MCM8: variants seen among roughly 807,000 people sequenced by gnomAD.
MCM8 encodes minichromosome maintenance 8 homologous recombination repair factor.
In MCM8, 85 loss-of-function variants were observed where a neutral mutation model predicts 98.9. The observed-to-expected ratio is 0.86, with a 90% confidence interval of 0.72 to 1.03. MCM8 has a LOEUF of 1.03. Among genes scored for constraint, MCM8 ranks in the 50% least tolerant of loss-of-function variants. MCM8 has a pLI of 0.00. For missense variants in MCM8, 951 were observed against 997.8 expected, an observed-to-expected ratio of 0.95 and a Z score of 0.63; for synonymous variants, 352 against 338.6, an observed-to-expected ratio of 1.04 and a Z score of -0.44.
chr20:5,967,781 AG>A, intron 9 of MCM8, 48 bp from the exon 10 acceptor site: 1 of 1,472,194 alleles, frequency 6.8e-7, no homozygotes, highest in Non-Finnish European at 9.2e-7. Context: ...GAGTCATTGT[AG>A]GGAAAATGAA....
At chr20:5,989,724 G>A (rs973002094) in intron 17 of MCM8, among the ~76,000 whole-genome samples, 1 of 152,136 alleles carries the variant, frequency 6.6e-6, no homozygotes, top group Non-Finnish European at 1.5e-5. Flanking sequence ...TCTCTCTGCT[G>A]CCTCTAGAGG....
At chr20:5,957,252 G>T in intron 6 of MCM8, 23 bp downstream of exon 6, 1 of 1,570,596 alleles carries the variant, frequency 6.4e-7, no homozygotes, top group Non-Finnish European at 8.7e-7. Flanking sequence ...ATGTATTAAA[G>T]TATTACTTAG....
chr20:5,993,498 T>C lies in MCM8; in HGVS notation c.2241-8T>C. The stretch of plus-strand genomic sequence containing the variant: ...CATTGGGTAATTTTTTCTTCCTTTC[T>C]TTTTAAGCATGCTAGGAACTTACTC... On this transcript the variant is annotated splice_polypyrimidine_tract_variant and splice_region_variant and intron_variant, in intron 17 of 18. Transcript: ENST00000610722. 6.6e-7 allele frequency: 1 copy of C among 1,512,904 alleles called. No homozygotes were observed. The highest frequency in any genetic ancestry group is 8.9e-7 in the Non-Finnish European group (1 of 1,121,238). 93.7% of individuals were successfully genotyped at this position (1,512,904 alleles called of 1,614,324 possible).
intron 10 of MCM8, among the ~76,000 whole-genome samples, chr20:5,969,593 C>CA (rs11364488): frequency 0.13 from 13,956 of 104,534 alleles, 823 homozygotes; most frequent in Non-Finnish European, 0.2. Flanking sequence ...CTCTGTCTCA[C>CA]AAAAAAAAAA....
chr20:5,971,922 G>T, intron 10 of MCM8, 85 bp from the exon 11 acceptor site: 1 of 1,098,330 alleles, frequency 9.1e-7, no homozygotes, highest in Non-Finnish European at 1.3e-6. Context: ...TTGATATTAA[G>T]CAGGTTAAAC....
At chr20:5,973,809 C>T (rs1431183069) in intron 12 of MCM8, among the ~76,000 whole-genome samples, 1 of 152,112 alleles carries the variant, frequency 6.6e-6, no homozygotes, top group Non-Finnish European at 1.5e-5. Context: ...TGCGCACCAC[C>T]ACGCCCAGCT....
chr20:5,991,800 G>C (rs930932262), intron 17 of MCM8, among the ~76,000 whole-genome samples: 2 of 152,176 alleles, frequency 1.3e-5, no homozygotes, highest in East Asian at 3.8e-4. Context: ...TTCAGTAAAT[G>C]TCCTGCACTG....
rs552554224 is a variant in MCM8 at position 5,991,442 on chromosome 20, GT to G, written c.2241-2061del. ...TTGCTTTGGTGGTAAATTTGAACAA[GT>G]TTCAGATCAGTTTACATCTGGGCCC... On this transcript the variant is annotated intron_variant, in intron 17 of 18. Transcript: ENST00000610722. The G allele has an allele frequency of 5.8e-4, 89 of 152,170 alleles. 2 individuals carry two copies. Among genetic ancestry groups the G allele is most frequent in the African/African-American group, 2.1e-3 (86 of 41,506 alleles). The allele number at this position is 152,170 out of a possible 1,614,324, so 9.4% of individuals were successfully genotyped here.
intron 13 of MCM8, among the ~76,000 whole-genome samples, chr20:5,982,285 C>T (rs909651152): frequency 1.1e-4 from 17 of 152,256 alleles, no homozygotes; most frequent in Non-Finnish European, 2.5e-4. Context: ...GCTAGTAAGG[C>T]TTACTTAGGT....
At chr20:5,959,548 TTAAA>T (rs1397916283) in intron 7 of MCM8, among the ~76,000 whole-genome samples, 2 of 152,194 alleles carry the variant, frequency 1.3e-5, no homozygotes, top group Non-Finnish European at 2.9e-5. Context: ...GAGTGTTGCT[TTAAA>T]TAAATAGCCA....
At chr20:5,964,460 A>G (rs1324192422) in intron 8 of MCM8, 1 of 152,230 alleles carries the variant, frequency 6.6e-6, no homozygotes, top group Non-Finnish European at 1.5e-5. Context: ...CTTGAGTATG[A>G]TCGTGTGGCC....
At position 5,958,431 on chromosome 20, in the gene MCM8, G is replaced by A; in HGVS notation, c.591-97G>A. The A allele has an allele frequency of 5.8e-6, 5 of 863,126 alleles. No individual in the cohort carries two copies. In the South Asian group the frequency reaches 7.9e-5, roughly 14 times the overall value. The allele number at this position is 863,126 out of a possible 1,614,324, so 53.5% of individuals were successfully genotyped here. On this transcript the variant is annotated intron_variant, in intron 6 of 18. Coordinates refer to ENST00000610722, the MANE Select transcript of MCM8 (RefSeq NM_032485.6). ...GATATTTCTGATATATCGAAGGGAT[G>A]ATTTGATTTGAGAATTCCATAGTTG...
At chr20:5,994,242 A>C (rs1277711048) in intron 18 of MCM8, 57 bp from the exon 19 acceptor site, 1 of 971,126 alleles carries the variant, frequency 1.0e-6, no homozygotes, top group East Asian at 2.6e-5. Flanking sequence ...ATTTATTTTA[A>C]AAGTAATATT....
intron 17 of MCM8, among the ~76,000 whole-genome samples, chr20:5,992,466 A>G (rs2089872497): frequency 6.6e-6 from 1 of 152,168 alleles, no homozygotes; most frequent in Non-Finnish European, 1.5e-5. Flanking sequence ...GATAAATGTT[A>G]CCTATTATTA....
At chr20:5,957,500 C>T (rs929733595) in intron 6 of MCM8, among the ~76,000 whole-genome samples, 3 of 152,138 alleles carry the variant, frequency 2.0e-5, no homozygotes, top group African/African-American at 7.2e-5. Context: ...CAAGACCCTG[C>T]TGTGTAAGTT....
Position 5,963,299 on chromosome 20 carries a change from G to A in MCM8, c.815G>A (p.Arg272Lys), listed in dbSNP as rs753451706. The part of the protein sequence containing the change: ...TKCPVPVCRG[R>K]SFTALRSSPL... ...TGTCCTGTGCCTGTGTGTCGAGGCA[G>A]GTCATTTACTGCTCTCCGCAGCTCT... The change falls in exon 8 of 19, where the codon AGG (arginine) becomes AAG (lysine). Residue 272 changes from arginine (R) to lysine (K), a missense_variant. By Grantham distance (26) the Arg-to-Lys change is conservative. Coordinates refer to ENST00000610722, the MANE Select transcript of MCM8 (RefSeq NM_032485.6). The A allele has an allele frequency of 3.7e-6, 6 of 1,614,016 alleles. No homozygotes were observed. The highest frequency in any genetic ancestry group is 4.2e-6 in the Non-Finnish European group (5 of 1,179,958).
At chr20:5,954,767 G>T in intron 4 of MCM8, 77 bp downstream of exon 4, 1 of 867,350 alleles carries the variant, frequency 1.2e-6, no homozygotes, top group East Asian at 2.5e-5. Flanking sequence ...GATTATGATC[G>T]TAGGCACTGG....
chr20:5,972,403 T>C (rs1296196958), intron 11 of MCM8, among the ~76,000 whole-genome samples: 1 of 151,968 alleles, frequency 6.6e-6, no homozygotes, highest in Non-Finnish European at 1.5e-5. Context: ...AGATGGGGTT[T>C]TGCCATGTTG....
At chr20:5,967,125 A>G (rs1344875088) in intron 8 of MCM8, among the ~76,000 whole-genome samples, 2 of 152,132 alleles carry the variant, frequency 1.3e-5, no homozygotes, top group Admixed American at 6.6e-5. Context: ...TGTTTTATCC[A>G]TCAATACTTT....
Sources: allele counts gnomAD v4.1 joint callset (sites outside exome capture counted in the v4.1 genomes callset), GRCh38; gene constraint gnomAD v4.1.1; transcripts MANE v1.5; gene names NCBI Gene and HGNC (gene_info 2026-07-23, HGNC 2026-07-21).